Variants in GPAT4 observed in about 807,000 individuals in gnomAD.
GPAT4 encodes the protein 1-AGP acyltransferase 6.
A neutral mutation model predicts 58.0 loss-of-function variants in GPAT4; 17 were observed. The observed-to-expected ratio is 0.29, with a 90% confidence interval of 0.20 to 0.44. The LOEUF is 0.44. Among genes scored for constraint, GPAT4 ranks in the 20% least tolerant of loss-of-function variants. The probability of loss-of-function intolerance (pLI) is 1.00; values close to 1 mark genes in which losing one functional copy is unlikely to be tolerated. For synonymous variants in GPAT4, 204 were observed against 210.1 expected (o/e 0.97, Z 0.25); for missense variants, 377 against 574.5 (o/e 0.66, Z 3.51).
intron 12 of GPAT4, among the ~76,000 whole-genome samples, chr8:41,620,347 T>C (rs1162118049): frequency 2.0e-5 from 3 of 152,182 alleles, no homozygotes; most frequent in Non-Finnish European, 1.5e-5. Context: ...GCTGGAACTC[T>C]GAGAGGCAGC....
At position 41,588,466 on chromosome 8, in the gene GPAT4, T is replaced by C. The variant is rs143772513; in HGVS notation, c.-848-9826T>C. ...AAGTTCTGTTCTGTTCTGTTCTTTT[T>C]TCTTTTCCTTTTCCTTTTCCCTTTC... On this transcript the variant is annotated intron_variant, in intron 1 of 12. Coordinates refer to ENST00000396987, the MANE Select transcript of GPAT4 (RefSeq NM_178819.4). Among the ~76,000 whole-genome samples, 19 of 141,626 alleles carry C rather than the reference T, an allele frequency of 1.3e-4. No individual in the cohort carries two copies. The East Asian group carries it at 2.5e-3, about 19-fold the overall frequency. The allele number at this position is 141,626 out of a possible 152,430, so 92.9% of individuals were successfully genotyped here. A position where few individuals can be genotyped will look rare whatever the true frequency, so the allele number is the denominator to read the frequency against.
At chr8:41,606,751 A>G (rs1485092788) in intron 2 of GPAT4, among the ~76,000 whole-genome samples, 1 of 152,182 alleles carries the variant, frequency 6.6e-6, no homozygotes, top group Non-Finnish European at 1.5e-5. Context: ...GAGGGAGAGA[A>G]GAGGTGGCTT....
chr8:41,607,118 C>T (rs537616583), intron 2 of GPAT4, among the ~76,000 whole-genome samples: 1 of 152,296 alleles, frequency 6.6e-6, no homozygotes, highest in East Asian at 1.9e-4. Flanking sequence ...ATTTCTCAAA[C>T]TCCTGGGCTT....
chr8:41,605,929 GGAGGGAAGCAA>G (rs1284787606), intron 2 of GPAT4, among the ~76,000 whole-genome samples: 3 of 152,136 alleles, frequency 2.0e-5, no homozygotes, highest in Non-Finnish European at 4.4e-5. Flanking sequence ...CATGTGGATC[GGAGGGAAGCAA>G]GAGGGAAGCA....
At chr8:41,601,901 A>G (rs1294104493) in intron 2 of GPAT4, among the ~76,000 whole-genome samples, 3 of 152,208 alleles carry the variant, frequency 2.0e-5, no homozygotes, top group Non-Finnish European at 4.4e-5. Flanking sequence ...TCTTGAACCA[A>G]CAGAGACTAT....
At chr8:41,618,493 G>A (rs367731593) in intron 10 of GPAT4, 191 bp from the exon 11 acceptor site, 39 of 691,586 alleles carry the variant, frequency 5.6e-5, no homozygotes, top group Admixed American at 2.6e-4. Context: ...CGGGTTCCTC[G>A]GGGGAGATCA....
chr8:41,588,142 G>A (rs1585650406), intron 1 of GPAT4, among the ~76,000 whole-genome samples: 1 of 152,330 alleles, frequency 6.6e-6, no homozygotes, highest in African/African-American at 2.4e-5. Context: ...CTAATGAAAT[G>A]ATAATATATA....
Position 41,612,253 on chromosome 8 carries a change from A to G in GPAT4, c.775A>G (p.Ser259Gly). The G allele has an allele frequency of 6.2e-7, 1 of 1,614,264 alleles. No individual in the cohort carries two copies. The highest frequency in any genetic ancestry group is 8.5e-7 in the Non-Finnish European group (1 of 1,180,042). ...ACCGATCGATGTGATCATCTTGGCC[A>G]GCGATGGCTATTATGCCATGGTAAG... Reference protein sequence around the residue: ...TSPIDVIILASDGYYAMVGQV... With the variant: ...TSPIDVIILAGDGYYAMVGQV... The change falls in exon 7 of 13, where the codon AGC becomes GGC. Residue 259 changes from serine to glycine, a missense_variant. Coordinates refer to ENST00000396987, the MANE Select transcript of GPAT4 (RefSeq NM_178819.4).
intron 1 of GPAT4, among the ~76,000 whole-genome samples, chr8:41,589,550 G>A (rs538338444): frequency 2.0e-5 from 3 of 151,740 alleles, no homozygotes; most frequent in South Asian, 4.1e-4. Flanking sequence ...TTTGTTTTTT[G>A]CATCTGTTTA....
chr8:41,615,104 G>A, intron 10 of GPAT4, 56 bp downstream of exon 10: 8 of 1,472,440 alleles, frequency 5.4e-6, no homozygotes, highest in Non-Finnish European at 7.6e-6. Flanking sequence ...TGAGTGGGGT[G>A]CAGCAGGAGG....
At chr8:41,585,034 C>G (rs1480413754) in intron 1 of GPAT4, 1 of 152,174 alleles carries the variant, frequency 6.6e-6, no homozygotes, top group Non-Finnish European at 1.5e-5. Context: ...AGGTTCATGT[C>G]AACTGAGTCG....
At position 41,614,446 on chromosome 8, in the gene GPAT4, G is replaced by C; in HGVS notation, c.967+5G>C. ...CTATCCTCATCTTCCCAGAAGGTAAGAAGGGGTTGGTTGCCACGAAGGGCT... is the reference window on the plus strand; with the variant it reads ...CTATCCTCATCTTCCCAGAAGGTAACAAGGGGTTGGTTGCCACGAAGGGCT... On this transcript the variant is annotated splice_donor_5th_base_variant and intron_variant, in intron 9 of 12. Transcript: ENST00000396987. 6.2e-7 allele frequency: 1 copy of C among 1,614,110 alleles called. No individual in the cohort carries two copies. The highest frequency in any genetic ancestry group is 8.5e-7 in the Non-Finnish European group (1 of 1,179,988).
chr8:41,620,427 C>T (rs952314573), intron 12 of GPAT4, among the ~76,000 whole-genome samples: 3 of 152,204 alleles, frequency 2.0e-5, no homozygotes, highest in Non-Finnish European at 2.9e-5. Context: ...ACACGCGTTA[C>T]CCCTTGTGTT....
intron 2 of GPAT4, 110 bp from the exon 3 acceptor site, chr8:41,609,306 C>A: frequency 8.8e-7 from 1 of 1,132,880 alleles, no homozygotes; most frequent in Non-Finnish European, 1.3e-6. Flanking sequence ...TTCTTGGCTA[C>A]GGTCTTAGGT....
chr8:41,598,981 T>A lies in GPAT4; in HGVS notation c.-159T>A. 1.1e-6 allele frequency: 1 copy of A among 940,064 alleles called. No individual in the cohort carries two copies. The highest frequency in any genetic ancestry group is 1.6e-6 in the Non-Finnish European group (1 of 637,542). 58.2% of individuals were successfully genotyped at this position (940,064 alleles called of 1,614,324 possible). A position where few individuals can be genotyped will look rare whatever the true frequency, so the allele number is the denominator to read the frequency against. On this transcript the variant is annotated 5_prime_UTR_variant, in exon 2 of 13. Transcript: ENST00000396987. ...TTTTCTGTCATTCTGTTCCCAGGCC[T>A]TCTATTCAGGCGGTTGAAGGGTGTG...
chr8:41,612,965 T>C lies in GPAT4; in HGVS notation c.911+5T>C, dbSNP rs1803486593. The C allele has an allele frequency of 1.2e-6, 2 of 1,613,270 alleles. No individual in the cohort carries two copies. Among genetic ancestry groups the C allele is most frequent in the East Asian group, 2.2e-5 (1 of 44,876 alleles). On this transcript the variant is annotated splice_donor_5th_base_variant and intron_variant, in intron 8 of 12. Transcript: ENST00000396987. The stretch of plus-strand genomic sequence containing the variant: ...TCGCCACCTGGTGGCTAAGAGGTAA[T>C]GGACAGAACACTGCTGTTCTGCTTG...
chr8:41,581,090 T>C (rs1201942061), intron 1 of GPAT4, among the ~76,000 whole-genome samples: 1 of 152,254 alleles, frequency 6.6e-6, no homozygotes, highest in Non-Finnish European at 1.5e-5. Context: ...TACTTCCTAC[T>C]GTGTCATTGT....
chr8:41,596,966 C>T (rs982338451), intron 1 of GPAT4, among the ~76,000 whole-genome samples: 1 of 152,076 alleles, frequency 6.6e-6, no homozygotes, highest in Non-Finnish European at 1.5e-5. Flanking sequence ...GCAGGGAGTA[C>T]GTGACTGGGA....
intron 5 of GPAT4, 34 bp downstream of exon 5, chr8:41,610,844 CAGTT>C: frequency 6.4e-7 from 1 of 1,565,246 alleles, no homozygotes; most frequent in South Asian, 1.2e-5. Context: ...GCCTGAAGGA[CAGTT>C]AGTTCTGGGA....
Sources: allele counts gnomAD v4.1 joint callset (sites outside exome capture counted in the v4.1 genomes callset), GRCh38; gene constraint gnomAD v4.1.1; transcripts MANE v1.5; gene names NCBI Gene and HGNC (gene_info 2026-07-23, HGNC 2026-07-21).